Variants in VAPB observed in about 807,000 individuals in gnomAD.
VAPB encodes the protein vesicle-associated membrane protein-associated protein B/C.
A neutral mutation model predicts 25.6 loss-of-function variants in VAPB; 7 were observed. That is an observed-to-expected ratio of 0.27 (90% CI 0.16 to 0.51). VAPB has a LOEUF of 0.51. Among genes scored for constraint, VAPB ranks in the 20% least tolerant of loss-of-function variants. The pLI, the probability that VAPB is intolerant of heterozygous loss-of-function variation, is 0.97. For synonymous variants in VAPB, 112 were observed against 109.2 expected, an observed-to-expected ratio of 1.03 and a Z score of -0.16; for missense variants, 266 against 301.3, an observed-to-expected ratio of 0.88 and a Z score of 0.87.
In VAPB at chr20:58,449,364, A is replaced by C; in HGVS notation, c.*5129A>C. On this transcript the variant is annotated 3_prime_UTR_variant, in exon 6 of 6. Coordinates refer to ENST00000475243, the MANE Select transcript of VAPB (RefSeq NM_004738.5). Reference sequence around the variant, plus strand: ...AAATTTAAAAGACATGAACTCACATAAACAGTTATGGATGATAGTTAAAAG... The same window carrying C: ...AAATTTAAAAGACATGAACTCACATCAACAGTTATGGATGATAGTTAAAAG... 2.2e-6 allele frequency: 1 copy of C among 453,488 alleles called. No homozygotes were observed. Among genetic ancestry groups the C allele is most frequent in the Non-Finnish European group, 4.4e-6 (1 of 226,670 alleles). 28.1% of individuals were successfully genotyped at this position (453,488 alleles called of 1,614,324 possible). A position where few individuals can be genotyped will look rare whatever the true frequency, so the allele number is the denominator to read the frequency against.
Position 58,440,999 on chromosome 20 carries a change from C to T in VAPB, c.489C>T (p.Asp163=). The change falls in exon 5 of 6, where the codon GAC becomes GAT. Residue 163 remains aspartate, a synonymous_variant. Transcript: ENST00000475243. ...VSKSLSSSLD[D]TEVKKVMEEC... is the part of the protein sequence containing the mutation. ...AGTCTCTGAGTTCTTCTTTGGATGA[C>T]ACCGAAGTTAAGAAGGTTATGGAAG... 1 of 1,614,030 alleles carries T rather than the reference C, an allele frequency of 6.2e-7. No homozygotes were observed. Among genetic ancestry groups the T allele is most frequent in the Non-Finnish European group, 8.5e-7 (1 of 1,180,020 alleles).
intron 2 of VAPB, among the ~76,000 whole-genome samples, chr20:58,426,933 T>G (rs946981473): frequency 1.3e-5 from 2 of 152,264 alleles, no homozygotes; most frequent in Non-Finnish European, 1.5e-5. Flanking sequence ...TTTGCTCTGT[T>G]ACCGTTATAA....
At chr20:58,410,813 A>T (rs1184539703) in intron 1 of VAPB, among the ~76,000 whole-genome samples, 1 of 152,178 alleles carries the variant, frequency 6.6e-6, no homozygotes, top group East Asian at 1.9e-4. Flanking sequence ...TTTCATACTG[A>T]CTGCTTTCAC....
chr20:58,413,956 C>G (rs1322056771), intron 1 of VAPB, among the ~76,000 whole-genome samples: 1 of 44,604 alleles, frequency 2.2e-5, no homozygotes, highest in African/African-American at 1.1e-4. Context: ...GGGGGCTGAC[C>G]TCCCCACCTC....
At chr20:58,417,145 A>G (rs534791858) in intron 1 of VAPB, among the ~76,000 whole-genome samples, 1 of 152,360 alleles carries the variant, frequency 6.6e-6, no homozygotes, top group South Asian at 2.1e-4. Flanking sequence ...ACAGGTGAAA[A>G]ATATGTAAAT....
chr20:58,440,674 T>G, intron 4 of VAPB: 1 of 441,452 alleles, frequency 2.3e-6, no homozygotes, highest in South Asian at 2.2e-5. Context: ...CTTTGAAGTA[T>G]TAGTCTCAGC....
At chr20:58,400,529 T>C (rs897713951) in intron 1 of VAPB, among the ~76,000 whole-genome samples, 1 of 152,242 alleles carries the variant, frequency 6.6e-6, no homozygotes, top group Non-Finnish European at 1.5e-5. Flanking sequence ...TATGTCACTT[T>C]CACGTTTTGT....
At chr20:58,419,294 T>C (rs761140804) in intron 2 of VAPB, among the ~76,000 whole-genome samples, 18 of 152,238 alleles carry the variant, frequency 1.2e-4, no homozygotes, top group Non-Finnish European at 2.5e-4. Flanking sequence ...TGGAAAGATA[T>C]AAGGTGTTTC....
In VAPB at chr20:58,445,116, G is replaced by A. The variant is rs1359091432; in HGVS notation, c.*881G>A. The stretch of plus-strand genomic sequence containing the variant: ...GGAGGTGGGGTTTATTGGGATGCTG[G>A]AGAAGAGCTGCCAGGAAGTGTTTTT... On this transcript the variant is annotated 3_prime_UTR_variant, in exon 6 of 6. Coordinates refer to ENST00000475243, the MANE Select transcript of VAPB (RefSeq NM_004738.5). 6.6e-6 allele frequency: 3 copies of A among 454,486 alleles called. No individual in the cohort carries two copies. The highest frequency in any genetic ancestry group is 8.8e-6 in the Non-Finnish European group (2 of 226,790). 28.2% of individuals were successfully genotyped at this position (454,486 alleles called of 1,614,324 possible). A position where few individuals can be genotyped will look rare whatever the true frequency, so the allele number is the denominator to read the frequency against.
chr20:58,413,817 CG>C (rs1346530630), intron 1 of VAPB, among the ~76,000 whole-genome samples: 35 of 138,788 alleles, frequency 2.5e-4, no homozygotes, highest in African/African-American at 8.4e-4. Context: ...GCTGGCCGGG[CG>C]GGGGGCTGAC....
intron 1 of VAPB, chr20:58,390,016 ACT>A (rs1987752948): frequency 1.3e-5 from 2 of 154,924 alleles, no homozygotes; most frequent in African/African-American, 4.8e-5. Flanking sequence ...ACCCAAAATC[ACT>A]GTTTCAATAC....
intron 1 of VAPB, among the ~76,000 whole-genome samples, chr20:58,411,307 A>G (rs1988372160): frequency 6.6e-6 from 1 of 152,218 alleles, no homozygotes; most frequent in Non-Finnish European, 1.5e-5. Flanking sequence ...TCTGAGATGG[A>G]GTCTTACTCT....
chr20:58,393,503 A>G (rs1987862637), intron 1 of VAPB, among the ~76,000 whole-genome samples: 1 of 152,070 alleles, frequency 6.6e-6, no homozygotes, highest in South Asian at 2.1e-4. Flanking sequence ...AGCTTTCCGA[A>G]TGAGTCACTT....
intron 1 of VAPB, among the ~76,000 whole-genome samples, chr20:58,407,933 A>T (rs765705720): frequency 2.0e-5 from 3 of 152,134 alleles, no homozygotes; most frequent in African/African-American, 4.8e-5. Flanking sequence ...TTAGTTTTCC[A>T]GGCTGTTCCT....
chr20:58,448,941 A>G lies in VAPB; in HGVS notation c.*4706A>G, dbSNP rs1989366466. ...AGGCTTTACATGACTTGTAAATTAA[A>G]TGTGAATGAGGGCAGTTGATTAAAA... On this transcript the variant is annotated 3_prime_UTR_variant, in exon 6 of 6. Coordinates refer to ENST00000475243, the MANE Select transcript of VAPB (RefSeq NM_004738.5). The G allele has an allele frequency of 2.2e-6, 1 of 454,132 alleles. No homozygotes were observed. The highest frequency in any genetic ancestry group is 4.4e-6 in the Non-Finnish European group (1 of 226,794). The allele number at this position is 454,132 out of a possible 1,614,324, so 28.1% of individuals were successfully genotyped here.
At position 58,448,516 on chromosome 20, in the gene VAPB, C is replaced by T. The variant is rs1231441755; in HGVS notation, c.*4281C>T. On this transcript the variant is annotated 3_prime_UTR_variant, in exon 6 of 6. Coordinates refer to ENST00000475243, the MANE Select transcript of VAPB (RefSeq NM_004738.5). ...TTTGCATACGAAGAAATAAAGGCTC[C>T]AGGAGGTTAAATCGGGCAACTTTTT... is the stretch of plus-strand genomic sequence containing the variant. 7 of 453,900 alleles carry T rather than the reference C, an allele frequency of 1.5e-5. No individual in the cohort carries two copies. Among genetic ancestry groups the T allele is most frequent in the Non-Finnish European group, 2.6e-5 (6 of 226,786 alleles). 28.1% of individuals were successfully genotyped at this position (453,900 alleles called of 1,614,324 possible).
intron 1 of VAPB, among the ~76,000 whole-genome samples, chr20:58,397,928 C>T (rs530500375): frequency 3.9e-5 from 6 of 152,224 alleles, no homozygotes; most frequent in South Asian, 2.1e-4. Flanking sequence ...GACGATGATA[C>T]GCCAGGCATA....
intron 1 of VAPB, among the ~76,000 whole-genome samples, chr20:58,414,325 ACC>A (rs557223898): frequency 9.7e-6 from 1 of 103,220 alleles, no homozygotes; most frequent in South Asian, 3.5e-4. Flanking sequence ...CGGGGGGCTG[ACC>A]CCCCCCACCT....
intron 1 of VAPB, among the ~76,000 whole-genome samples, chr20:58,391,330 A>G (rs961180919): frequency 9.9e-5 from 15 of 152,226 alleles, no homozygotes; most frequent in African/African-American, 3.6e-4. Context: ...CAGCCAGGAC[A>G]GGACAATGAT....
Sources: allele counts gnomAD v4.1 joint callset (sites outside exome capture counted in the v4.1 genomes callset), GRCh38; gene constraint gnomAD v4.1.1; transcripts MANE v1.5; gene names NCBI Gene and HGNC (gene_info 2026-07-23, HGNC 2026-07-21).